Variants in CRELD1 observed in about 807,000 individuals in gnomAD.
The protein encoded by CRELD1 is CRELD disulfide isomerase 1.
CRELD1 carries 42 observed loss-of-function variants against 58.2 expected under a neutral mutation model. The observed-to-expected ratio is 0.72, with a 90% CI of 0.56 to 0.93. The LOEUF (loss-of-function observed/expected upper bound fraction) is 0.93, where lower values mean the gene tolerates loss of function less well. Ranked by LOEUF, CRELD1 falls within the 40% of genes least tolerant of loss-of-function variation. The probability of loss-of-function intolerance (pLI) is 0.00; values close to 1 mark genes in which losing one functional copy is unlikely to be tolerated. For synonymous variants in CRELD1, 222 were observed against 202.0 expected (o/e 1.10, Z -0.84); for missense variants, 500 against 540.6 (o/e 0.92, Z 0.74).
rs1248279168 is a variant in CRELD1, at chr3:9,935,477, A to T, written c.257+560A>T. ...CTCTACACCTTTAAAGATTACTCAC[A>T]CTGCTATGTAGCAAACGGATTGTAA... On this transcript the variant is annotated intron_variant, in intron 3 of 10. Coordinates refer to ENST00000452070, the MANE Select transcript of CRELD1 (RefSeq NM_001077415.3). Among the ~76,000 whole-genome samples the T allele has an allele frequency of 3.3e-5, 5 of 152,218 alleles. No homozygotes were observed. The East Asian group carries it at 7.7e-4, about 23-fold the overall frequency.
At chr3:9,941,360 ACAGTCC>A (rs2085361027) in intron 7 of CRELD1, among the ~76,000 whole-genome samples, 154 bp downstream of exon 7, 1 of 151,818 alleles carries the variant, frequency 6.6e-6, no homozygotes, top group African/African-American at 2.4e-5. Flanking sequence ...CCAGATACTT[ACAGTCC>A]AGTACACAGG....
intron 3 of CRELD1, among the ~76,000 whole-genome samples, chr3:9,936,782 G>T (rs983683646): frequency 6.6e-6 from 1 of 152,126 alleles, no homozygotes; most frequent in Non-Finnish European, 1.5e-5. Context: ...AGAAATTATG[G>T]ATTTGCTGAT....
chr3:9,939,103 G>A (rs1009898000), intron 5 of CRELD1, among the ~76,000 whole-genome samples: 2 of 151,438 alleles, frequency 1.3e-5, no homozygotes, highest in African/African-American at 2.4e-5. Context: ...CTATGATCAT[G>A]TCATTGCCTG....
At position 9,940,831 on chromosome 3, in the gene CRELD1, G is replaced by C. The variant is rs745900287; in HGVS notation, c.461-19G>C. 2 of 1,613,090 alleles carry C rather than the reference G, an allele frequency of 1.2e-6. No homozygotes were observed. Among genetic ancestry groups the C allele is most frequent in the African/African-American group, 1.3e-5 (1 of 74,858 alleles). On this transcript the variant is annotated intron_variant, in intron 5 of 10. Coordinates refer to ENST00000452070, the MANE Select transcript of CRELD1 (RefSeq NM_001077415.3). Reference sequence around the variant, plus strand: ...AAGGTTGTATAGATGACCTCACCTGGTTTGGTGTCTTCCCACAGCCTGTCC... The same window carrying C: ...AAGGTTGTATAGATGACCTCACCTGCTTTGGTGTCTTCCCACAGCCTGTCC...
At chr3:9,938,859 CAA>C in intron 5 of CRELD1, among the ~76,000 whole-genome samples, 1 of 128,076 alleles carries the variant, frequency 7.8e-6, no homozygotes, top group African/African-American at 2.9e-5. Context: ...GACTCTGTCT[CAA>C]AAAAAAAAAA....
At position 9,939,965 on chromosome 3, in the gene CRELD1, A is replaced by AC. The variant is rs1159419466; in HGVS notation, c.461-880dup. On this transcript the variant is annotated intron_variant, in intron 5 of 10. Coordinates refer to ENST00000452070, the MANE Select transcript of CRELD1 (RefSeq NM_001077415.3). The stretch of plus-strand genomic sequence containing the variant: ...GGGCGGCTGGCCGGGCGGGGGGCTG[A>AC]CCCCCTCACCTCCCTCCCGGACGGG... Among the ~76,000 whole-genome samples the AC allele has an allele frequency of 1.3e-4, 19 of 145,892 alleles. 1 individual carries two copies. Among genetic ancestry groups the AC allele is most frequent in the South Asian group, 8.8e-4 (4 of 4,568 alleles).
In CRELD1 at chr3:9,941,142, A is replaced by T. The variant is rs1274485397; in HGVS notation, c.669A>T (p.Gly223=). The stretch of plus-strand genomic sequence containing the variant: ...TTGGCCCCTGTGCCCGATGCTCAGG[A>T]CCTGAGGAATCAAACTGTTTGCAAT... ...ACFGPCARCS[G]PEESNCLQCK... Residue 223 remains glycine (G), a synonymous_variant, in exon 7 of 11, where the codon GGA becomes GGT. Coordinates refer to ENST00000452070, the MANE Select transcript of CRELD1 (RefSeq NM_001077415.3). 8.1e-6 allele frequency: 13 copies of T among 1,614,190 alleles called. No individual in the cohort carries two copies. The highest frequency in any genetic ancestry group is 1.1e-5 in the Non-Finnish European group (13 of 1,180,030).
chr3:9,935,368 G>A (rs1255583476), intron 3 of CRELD1, among the ~76,000 whole-genome samples: 1 of 152,280 alleles, frequency 6.6e-6, no homozygotes, highest in East Asian at 1.9e-4. Flanking sequence ...AAGCCTCGAG[G>A]GCTACAGAAA....
At position 9,944,864 on chromosome 3, in the gene CRELD1, T is replaced by C. The variant is rs2085476158; in HGVS notation, c.*285T>C. ...TTTCCTTAATGGTGGCTGCTAGAGCTTTGGCCCCTGCTTAGGATTAGGTGG... is the reference window on the plus strand; with the variant it reads ...TTTCCTTAATGGTGGCTGCTAGAGCCTTGGCCCCTGCTTAGGATTAGGTGG... On this transcript the variant is annotated 3_prime_UTR_variant, in exon 11 of 11. Transcript: ENST00000452070. 1 of 461,772 alleles carries C rather than the reference T, an allele frequency of 2.2e-6. No individual in the cohort carries two copies. Among genetic ancestry groups the C allele is most frequent in the Non-Finnish European group, 4.0e-6 (1 of 249,124 alleles). 28.6% of individuals were successfully genotyped at this position (461,772 alleles called of 1,614,324 possible). A position where few individuals can be genotyped will look rare whatever the true frequency, so the allele number is the denominator to read the frequency against.
At chr3:9,940,339 C>T (rs1022426759) in intron 5 of CRELD1, among the ~76,000 whole-genome samples, 2 of 152,016 alleles carry the variant, frequency 1.3e-5, no homozygotes, top group African/African-American at 2.4e-5. Context: ...GAGGTTGTAG[C>T]GAGCCGAGAT....
At chr3:9,940,827 C>T (rs1482408343) in intron 5 of CRELD1, 23 bp from the exon 6 acceptor site, 2 of 1,589,796 alleles carry the variant, frequency 1.3e-6, no homozygotes, top group Admixed American at 1.7e-5. Flanking sequence ...GATGACCTCA[C>T]CTGGTTTGGT....
At chr3:9,936,949 C>T (rs777620556) in intron 3 of CRELD1, among the ~76,000 whole-genome samples, 18 of 152,184 alleles carry the variant, frequency 1.2e-4, no homozygotes, top group Admixed American at 5.2e-4. Context: ...TTTGTTTAAC[C>T]ATGCATCAGT....
chr3:9,934,030 G>T (rs2085082638), intron 1 of CRELD1, 110 bp downstream of exon 1: 1 of 312,500 alleles, frequency 3.2e-6, no homozygotes, highest in South Asian at 3.6e-5. Context: ...CTCCAAGCCC[G>T]GGGTTCCGGA....
In CRELD1 at chr3:9,941,183, C is replaced by T; in HGVS notation, c.710C>T (p.Ala237Val). Residue 237 changes from alanine (A) to valine (V), a missense_variant, in exon 7 of 11, where the codon GCC becomes GTC. By Grantham distance (64) the Ala-to-Val change is moderately conservative (BLOSUM62 0). Transcript: ENST00000452070. ...TGTTTGCAATGCAAGAAGGGCTGGGCCCTGCATCACCTCAAGTGTGTAGGT... is the reference window on the plus strand; with the variant it reads ...TGTTTGCAATGCAAGAAGGGCTGGGTCCTGCATCACCTCAAGTGTGTAGGT... ...SNCLQCKKGW[A>V]LHHLKCVDID... 6.2e-7 allele frequency: 1 copy of T among 1,614,048 alleles called. No homozygotes were observed. The highest frequency in any genetic ancestry group is 1.1e-5 in the South Asian group (1 of 91,064).
chr3:9,939,140 AAAATAAATAAATAAAT>A (rs201401416), intron 5 of CRELD1, among the ~76,000 whole-genome samples: 23,245 of 144,784 alleles, frequency 0.16, 1,902 homozygotes, highest in South Asian at 0.2. Flanking sequence ...CCTGTCACTA[AAAATAAATAAATAAAT>A]AAATAAATAA....
At chr3:9,941,239 G>A (rs368689288) in intron 7 of CRELD1, 33 bp downstream of exon 7, 5 of 1,584,608 alleles carry the variant, frequency 3.2e-6, no homozygotes, top group Non-Finnish European at 3.5e-6. Context: ...CTGGGAAGAT[G>A]GTCAGGGGCC....
intron 2 of CRELD1, 103 bp from the exon 3 acceptor site, chr3:9,934,732 G>A: frequency 1.3e-6 from 2 of 1,500,470 alleles, no homozygotes; most frequent in East Asian, 2.3e-5. Context: ...TATGGCCCTA[G>A]GCAGGTTGCC....
intron 5 of CRELD1, chr3:9,938,417 T>TG: frequency 2.7e-6 from 1 of 374,616 alleles, no homozygotes; most frequent in South Asian, 2.5e-5. Flanking sequence ...GAGGGGCGGG[T>TG]GCTGACCTGG....
In CRELD1 at chr3:9,934,623, C is replaced by T. The variant is rs781144506; in HGVS notation, c.174+11C>T. On this transcript the variant is annotated intron_variant, in intron 2 of 10. Transcript: ENST00000452070. ...GACAGCTTTAACAAGGTGGGTGCAC[C>T]GGCAGCCTCGTTAGAGGGGAACACA... The T allele has an allele frequency of 3.1e-6, 5 of 1,611,556 alleles. No homozygotes were observed. The highest frequency in any genetic ancestry group is 2.2e-5 in the South Asian group (2 of 91,022).
Sources: allele counts gnomAD v4.1 joint callset (sites outside exome capture counted in the v4.1 genomes callset), GRCh38; gene constraint gnomAD v4.1.1; transcripts MANE v1.5; gene names NCBI Gene and HGNC (gene_info 2026-07-23, HGNC 2026-07-21).